The following SDK1 variants were observed in gnomAD, a reference collection of about 807,000 sequenced individuals.
The protein encoded by SDK1 is sidekick cell adhesion molecule 1.
A neutral mutation model predicts 245.5 loss-of-function variants in SDK1; 157 were observed. That is an observed-to-expected ratio of 0.64 (90% confidence interval 0.56 to 0.73). The LOEUF (loss-of-function observed/expected upper bound fraction) is 0.73. SDK1 is among the 30% of genes least tolerant of loss of function. SDK1 has a pLI of 0.00. For synonymous variants in SDK1, 1,647 were observed against 1,278.5 expected (o/e 1.29, Z -6.15); for missense variants, 3,583 against 3,002.3 (o/e 1.19, Z -4.52).
intron 17 of SDK1, among the ~76,000 whole-genome samples, chr7:4,025,660 A>C (rs950930844): frequency 5.9e-5 from 9 of 152,190 alleles, no homozygotes; most frequent in African/African-American, 2.2e-4. Flanking sequence ...CCCCATATCC[A>C]AGCACAATGC....
At chr7:3,418,800 C>T (rs974713206) in intron 1 of SDK1, among the ~76,000 whole-genome samples, 5 of 152,182 alleles carry the variant, frequency 3.3e-5, no homozygotes, top group Non-Finnish European at 7.3e-5. Context: ...CTATTCTCAG[C>T]ACTTTATATA....
At chr7:3,927,865 A>G (rs1348492526) in intron 5 of SDK1, among the ~76,000 whole-genome samples, 1 of 152,262 alleles carries the variant, frequency 6.6e-6, no homozygotes, top group African/African-American at 2.4e-5. Context: ...TCCTAAGTTA[A>G]CAAATGGTTG....
rs1562415849 is a variant in SDK1 at position 4,194,345 on chromosome 7, TAG to T, written c.5099-11532_5099-11531del. Among the ~76,000 whole-genome samples the T allele has an allele frequency of 2.5e-4, 31 of 122,538 alleles. 2 individuals carry two copies. Among genetic ancestry groups the T allele is most frequent in the African/African-American group, 9.3e-4 (24 of 25,760 alleles). 80.4% of individuals were successfully genotyped at this position (122,538 alleles called of 152,430 possible). A position where few individuals can be genotyped will look rare whatever the true frequency, so the allele number is the denominator to read the frequency against. ...GTATGCACGTATGTGTATACATGTA[TAG>T]ATATATGTATGCACGTATGTGTATA... On this transcript the variant is annotated intron_variant, in intron 35 of 44. Transcript: ENST00000404826.
At chr7:3,591,957 G>A (rs1780888929) in intron 1 of SDK1, among the ~76,000 whole-genome samples, 1 of 152,192 alleles carries the variant, frequency 6.6e-6, no homozygotes, top group African/African-American at 2.4e-5. Context: ...TCTCTTAGAT[G>A]CCCGGATACA....
At chr7:3,519,597 G>C (rs2128614035) in intron 1 of SDK1, among the ~76,000 whole-genome samples, 1 of 152,044 alleles carries the variant, frequency 6.6e-6, no homozygotes, top group South Asian at 2.1e-4. Flanking sequence ...AGTAGGTACT[G>C]TTATACCAGT....
intron 4 of SDK1, among the ~76,000 whole-genome samples, 178 bp downstream of exon 4, chr7:3,642,283 A>G (rs1042336470): frequency 1.3e-5 from 2 of 152,196 alleles, no homozygotes; most frequent in African/African-American, 4.8e-5. Flanking sequence ...AATATTTTTA[A>G]CCAGTTTAAG....
At chr7:3,877,032 T>C (rs745822745) in intron 5 of SDK1, among the ~76,000 whole-genome samples, 4 of 152,228 alleles carry the variant, frequency 2.6e-5, no homozygotes, top group Non-Finnish European at 4.4e-5. Context: ...TAAATCTTCA[T>C]TCTTACATTC....
At chr7:3,848,749 G>C (rs1259820157) in intron 5 of SDK1, among the ~76,000 whole-genome samples, 1 of 151,648 alleles carries the variant, frequency 6.6e-6, no homozygotes, top group Non-Finnish European at 1.5e-5. Context: ...ACGGCTCACT[G>C]CAACCTCCGC....
intron 17 of SDK1, among the ~76,000 whole-genome samples, chr7:4,037,801 G>T (rs966845695): frequency 6.6e-6 from 1 of 152,096 alleles, no homozygotes; most frequent in African/African-American, 2.4e-5. Context: ...CCTTCTCTGC[G>T]AATACAACAA....
chr7:3,670,950 T>C (rs1429547238), intron 4 of SDK1, among the ~76,000 whole-genome samples: 1 of 152,250 alleles, frequency 6.6e-6, no homozygotes, highest in Non-Finnish European at 1.5e-5. Flanking sequence ...CGTCTATTAT[T>C]TGTTCTTACA....
At chr7:3,356,245 C>T (rs1391808040) in intron 1 of SDK1, among the ~76,000 whole-genome samples, 6 of 151,908 alleles carry the variant, frequency 3.9e-5, no homozygotes, top group Admixed American at 3.9e-4. Flanking sequence ...TAGATTTGAC[C>T]TCTTTTTTGG....
chr7:3,528,996 G>A (rs1355093777), intron 1 of SDK1, among the ~76,000 whole-genome samples: 1 of 152,126 alleles, frequency 6.6e-6, no homozygotes, highest in Non-Finnish European at 1.5e-5. Context: ...GAGGTAGCTA[G>A]CATGAGTGGT....
intron 4 of SDK1, among the ~76,000 whole-genome samples, chr7:3,646,187 G>T (rs1246049023): frequency 6.6e-6 from 1 of 152,152 alleles, no homozygotes; most frequent in Non-Finnish European, 1.5e-5. Flanking sequence ...CTCCTTGTGT[G>T]AGTTTGGTTC....
intron 1 of SDK1, among the ~76,000 whole-genome samples, chr7:3,526,004 C>T (rs1284970998): frequency 1.3e-5 from 2 of 152,096 alleles, no homozygotes; most frequent in African/African-American, 4.8e-5. Context: ...GAGGCTGAGG[C>T]AGGTGGAATC....
At chr7:3,983,579 C>T (rs1382345690) in intron 13 of SDK1, among the ~76,000 whole-genome samples, 1 of 152,202 alleles carries the variant, frequency 6.6e-6, no homozygotes, top group Non-Finnish European at 1.5e-5. Context: ...CTTTTATATG[C>T]ACTGGGAAAC....
In SDK1 at chr7:4,184,054, A is replaced by G. The variant is rs1782743554; in HGVS notation, c.5098+5468A>G. On this transcript the variant is annotated intron_variant, in intron 35 of 44. Coordinates refer to ENST00000404826, the MANE Select transcript of SDK1 (RefSeq NM_152744.4). ...AAAGCCAGTTCGCCATTCCCTTTCT[A>G]GCCTCTGCTTCTCGCAGCCCAAGTA... Among the ~76,000 whole-genome samples, 4 of 152,314 alleles carry G rather than the reference A, an allele frequency of 2.6e-5. No homozygotes were observed. The South Asian group carries it at 8.3e-4, about 32-fold the overall frequency.
intron 1 of SDK1, among the ~76,000 whole-genome samples, chr7:3,613,581 G>A (rs767153361): frequency 5.3e-5 from 8 of 152,148 alleles, no homozygotes; most frequent in Non-Finnish European, 1.2e-4. Context: ...AGACAGTGTG[G>A]TGATTCCTCA....
chr7:3,770,027 C>T (rs1215688271), intron 4 of SDK1, among the ~76,000 whole-genome samples: 1 of 151,644 alleles, frequency 6.6e-6, no homozygotes, highest in South Asian at 2.1e-4. Flanking sequence ...ACTACAGTCT[C>T]CATTCATGGA....
intron 5 of SDK1, among the ~76,000 whole-genome samples, chr7:3,880,368 G>T (rs1440428052): frequency 6.6e-6 from 1 of 152,156 alleles, no homozygotes; most frequent in Non-Finnish European, 1.5e-5. Context: ...CCCAAGCCCT[G>T]ATTAGCGGTT....
Sources: gnomAD v4.1 joint callset for allele counts (sites outside exome capture counted in the v4.1 genomes callset) on GRCh38, gnomAD v4.1.1 for gene constraint, MANE v1.5 for transcripts, NCBI Gene and HGNC (gene_info 2026-07-23, HGNC 2026-07-21) for gene names.